Variants in CCDC91 observed in about 807,000 individuals in gnomAD.
CCDC91 encodes coiled-coil domain-containing protein 91.
CCDC91 carries 48 observed loss-of-function variants against 63.2 expected under a neutral mutation model. That is an observed-to-expected ratio of 0.76 (90% CI 0.60 to 0.97). The LOEUF (loss-of-function observed/expected upper bound fraction) is 0.97, where lower values mean the gene tolerates loss of function less well. Ranked by LOEUF, CCDC91 falls within the 50% of genes least tolerant of loss-of-function variation. The pLI is 0.00. For missense variants in CCDC91, 500 were observed against 494.6 expected (o/e 1.01, Z -0.10); for synonymous variants, 167 against 165.8 (o/e 1.01, Z -0.06).
intron 1 of CCDC91, among the ~76,000 whole-genome samples, chr12:28,227,535 A>G (rs1480803923): frequency 6.6e-6 from 1 of 151,968 alleles, no homozygotes; most frequent in Non-Finnish European, 1.5e-5. Context: ...ATGTGTCCAT[A>G]TTGTCTAAGC....
At chr12:28,506,921 T>C (rs1938797916) in intron 12 of CCDC91, among the ~76,000 whole-genome samples, 1 of 151,720 alleles carries the variant, frequency 6.6e-6, no homozygotes, top group Non-Finnish European at 1.5e-5. Flanking sequence ...AGATCAAATC[T>C]ACCAGTAGTC....
chr12:28,479,443 A>G (rs568492443), intron 11 of CCDC91, among the ~76,000 whole-genome samples: 7 of 152,150 alleles, frequency 4.6e-5, no homozygotes, highest in African/African-American at 9.6e-5. Context: ...GATGGGGATC[A>G]TCACACACTG....
At chr12:28,451,396 A>G (rs1322635271) in intron 10 of CCDC91, among the ~76,000 whole-genome samples, 1 of 151,670 alleles carries the variant, frequency 6.6e-6, no homozygotes, top group Non-Finnish European at 1.5e-5. Flanking sequence ...TGAATAATAT[A>G]GAAGGTGGAC....
chr12:28,420,714 C>A (rs786707), intron 8 of CCDC91, among the ~76,000 whole-genome samples: 1 of 150,766 alleles, frequency 6.6e-6, no homozygotes, highest in South Asian at 2.1e-4. Flanking sequence ...TATATGACAT[C>A]TTCCTGTTTT....
chr12:28,259,360 G>A lies in CCDC91; in HGVS notation c.31-4G>A. 1.2e-6 allele frequency: 2 copies of A among 1,608,128 alleles called. No individual in the cohort carries two copies. The highest frequency in any genetic ancestry group is 1.7e-6 in the Non-Finnish European group (2 of 1,175,536). ...TCTAAAATAATCTTGCCTTTGTCTT[G>A]TAGGCTGCGGAGACTTTTGATGGTG... On this transcript the variant is annotated splice_polypyrimidine_tract_variant and splice_region_variant and intron_variant, in intron 2 of 12. Coordinates refer to ENST00000536442, the MANE Select transcript of CCDC91 (RefSeq NM_018318.5).
intron 6 of CCDC91, among the ~76,000 whole-genome samples, chr12:28,339,852 T>G (rs534935681): frequency 1.4e-4 from 22 of 152,262 alleles, no homozygotes; most frequent in Admixed American, 9.2e-4. Context: ...GGCATGTTGT[T>G]TACTCTTAAT....
At chr12:28,340,174 C>T (rs1015897203) in intron 6 of CCDC91, among the ~76,000 whole-genome samples, 1 of 152,052 alleles carries the variant, frequency 6.6e-6, no homozygotes, top group Non-Finnish European at 1.5e-5. Flanking sequence ...ATTGTAAACC[C>T]TTACATATTG....
At chr12:28,526,215 A>T (rs1941247563) in intron 12 of CCDC91, among the ~76,000 whole-genome samples, 2 of 151,718 alleles carry the variant, frequency 1.3e-5, no homozygotes, top group Non-Finnish European at 2.9e-5. Flanking sequence ...TATGCTTTAA[A>T]GAGGTTCTGT....
At chr12:28,522,055 A>T (rs926042403) in intron 12 of CCDC91, among the ~76,000 whole-genome samples, 3 of 152,142 alleles carry the variant, frequency 2.0e-5, no homozygotes, top group Non-Finnish European at 2.9e-5. Flanking sequence ...TGTCTCTGCC[A>T]GGCTTTGGTA....
chr12:28,210,137 CTT>C (rs1473035960), intron 1 of CCDC91, among the ~76,000 whole-genome samples: 1 of 152,196 alleles, frequency 6.6e-6, no homozygotes, highest in African/African-American at 2.4e-5. Flanking sequence ...TTATAACCCT[CTT>C]TGCATAGCTA....
At chr12:28,370,370 C>T (rs1369965146) in intron 7 of CCDC91, among the ~76,000 whole-genome samples, 7 of 152,184 alleles carry the variant, frequency 4.6e-5, no homozygotes, top group African/African-American at 1.7e-4. Flanking sequence ...TGTTGAGTCT[C>T]TTTGTTAAAG....
At chr12:28,391,523 G>GA in intron 8 of CCDC91, 112 bp downstream of exon 8, 1 of 585,100 alleles carries the variant, frequency 1.7e-6, no homozygotes, top group African/African-American at 1.9e-5. Context: ...GTATTTTGGA[G>GA]AAAAAATGTG....
intron 8 of CCDC91, among the ~76,000 whole-genome samples, chr12:28,420,292 T>C (rs1281201260): frequency 6.6e-6 from 1 of 152,192 alleles, no homozygotes; most frequent in Non-Finnish European, 1.5e-5. Context: ...AATTTTTCTA[T>C]GGCTTGAAAC....
intron 6 of CCDC91, among the ~76,000 whole-genome samples, chr12:28,361,426 G>T (rs1163692865): frequency 6.6e-6 from 1 of 151,934 alleles, no homozygotes; most frequent in Non-Finnish European, 1.5e-5. Context: ...GTGAGAATGT[G>T]CGGAGATTTA....
At chr12:28,538,212 C>T (rs1355817113) in intron 12 of CCDC91, among the ~76,000 whole-genome samples, 3 of 150,356 alleles carry the variant, frequency 2.0e-5, no homozygotes, top group South Asian at 2.1e-4. Context: ...CCCAGTAACT[C>T]GTCATTTAAC....
intron 6 of CCDC91, among the ~76,000 whole-genome samples, chr12:28,314,688 CAA>C (rs1249600539): frequency 1.3e-5 from 2 of 151,794 alleles, no homozygotes; most frequent in African/African-American, 4.8e-5. Flanking sequence ...TGTAGTCTGA[CAA>C]GAGAAAGAGT....
intron 8 of CCDC91, among the ~76,000 whole-genome samples, chr12:28,434,069 C>T (rs147221182): frequency 5.9e-4 from 89 of 151,738 alleles, no homozygotes; most frequent in African/African-American, 2.0e-3. Flanking sequence ...ACTATAATTC[C>T]GTATTACTTC....
At chr12:28,399,005 A>G (rs550969220) in intron 8 of CCDC91, among the ~76,000 whole-genome samples, 1 of 152,220 alleles carries the variant, frequency 6.6e-6, no homozygotes, top group Non-Finnish European at 1.5e-5. Flanking sequence ...TTTCAAATTT[A>G]TCATTGTTAT....
chr12:28,347,375 C>T (rs1942881505), intron 6 of CCDC91, among the ~76,000 whole-genome samples: 1 of 152,166 alleles, frequency 6.6e-6, no homozygotes, highest in African/African-American at 2.4e-5. Context: ...TTACTCTCAG[C>T]TGTTACTTCT....
Sources: gnomAD v4.1 joint callset for allele counts (sites outside exome capture counted in the v4.1 genomes callset) on GRCh38, gnomAD v4.1.1 for gene constraint, MANE v1.5 for transcripts, NCBI Gene and HGNC (gene_info 2026-07-23, HGNC 2026-07-21) for gene names.